CD9: variants seen among roughly 807,000 people sequenced by gnomAD.
CD9 encodes CD9 antigen.
A neutral mutation model predicts 31.4 loss-of-function variants in CD9; 10 were observed. The observed-to-expected ratio is 0.32, with a 90% CI of 0.20 to 0.54. The LOEUF (loss-of-function observed/expected upper bound fraction) is 0.54, where lower values mean the gene tolerates loss of function less well. Ranked by LOEUF, CD9 falls within the 20% of genes least tolerant of loss-of-function variation. The pLI is 0.94. For synonymous variants in CD9, 113 were observed against 114.1 expected (o/e 0.99, Z 0.06); for missense variants, 259 against 300.1 (o/e 0.86, Z 1.01).
At chr12:6,225,692 G>A (rs1352754198) in intron 2 of CD9, 158 bp downstream of exon 2, 2 of 597,140 alleles carry the variant, frequency 3.3e-6, no homozygotes, top group Non-Finnish European at 6.0e-6. Flanking sequence ...TGCAGTTTTT[G>A]TGTGTGTCGT....
intron 1 of CD9, among the ~76,000 whole-genome samples, chr12:6,215,489 G>C (rs1261570466): frequency 6.6e-6 from 1 of 152,190 alleles, no homozygotes; most frequent in African/African-American, 2.4e-5. Flanking sequence ...GCATGTCCAG[G>C]TTCCTGGGTC....
chr12:6,225,448 C>G lies in CD9; in HGVS notation c.89C>G (p.Ala30Gly), dbSNP rs1343612155. The change falls in exon 2 of 8, where the codon GCC (alanine) becomes GGC (glycine). Residue 30 changes from alanine to glycine, a missense_variant. Ala to Gly is a moderately conservative substitution (Grantham distance 60). Coordinates refer to ENST00000009180, the MANE Select transcript of CD9 (RefSeq NM_001769.4). ...IFWLAGIAVL[A>G]IGLWLRFDSQ... ...CAGCTTGCCGGGATTGCTGTCCTTG[C>G]CATTGGACTATGGCTCCGATTCGAC... The G allele has an allele frequency of 3.7e-6, 6 of 1,613,142 alleles. No homozygotes were observed. The South Asian group carries it at 6.6e-5, about 18-fold the overall frequency.
At chr12:6,235,663 A>C in intron 6 of CD9, 98 bp downstream of exon 6, 2 of 1,468,184 alleles carry the variant, frequency 1.4e-6, no homozygotes, top group South Asian at 2.9e-5. Context: ...CTTCAGCAAG[A>C]CCCGTTCTGC....
chr12:6,200,615 G>T, intron 1 of CD9, 50 bp downstream of exon 1: 1 of 1,341,632 alleles, frequency 7.5e-7, no homozygotes, highest in Non-Finnish European at 1.1e-6. Flanking sequence ...ACCTGTTCGC[G>T]GGCCCCGGAC....
intron 1 of CD9, among the ~76,000 whole-genome samples, chr12:6,207,263 T>A (rs1451110083): frequency 2.0e-5 from 3 of 152,200 alleles, no homozygotes; most frequent in African/African-American, 7.2e-5. Context: ...AGTCCCATAT[T>A]TCTGCCATAA....
Position 6,232,685 on chromosome 12 carries a change from G to T in CD9, c.229G>T (p.Gly77Cys). Residue 77 changes from glycine to cysteine, a missense_variant, in exon 3 of 8, where the codon GGC (glycine) becomes TGC (cysteine). Physicochemically the swap from Gly to Cys is radical, Grantham distance 159. Coordinates refer to ENST00000009180, the MANE Select transcript of CD9 (RefSeq NM_001769.4). This position sits in a 1 kb window ranked among gnomAD's most constrained non-coding sequence, Gnocchi z 4.8. Reference sequence around the variant, plus strand: ...CCTCATGATGCTGGTGGGCTTCCTGGGCTGCTGCGGGGCTGTGCAGGAGTC... The same window carrying T: ...CCTCATGATGCTGGTGGGCTTCCTGTGCTGCTGCGGGGCTGTGCAGGAGTC... Reference protein sequence around the residue: ...GALMMLVGFLGCCGAVQESQC... With the variant: ...GALMMLVGFLCCCGAVQESQC... 2 of 1,579,668 alleles carry T rather than the reference G, an allele frequency of 1.3e-6. No individual in the cohort carries two copies. Among genetic ancestry groups the T allele is most frequent in the Non-Finnish European group, 8.6e-7 (1 of 1,166,406 alleles).
chr12:6,210,629 C>A (rs951066799), intron 1 of CD9, among the ~76,000 whole-genome samples: 2 of 152,054 alleles, frequency 1.3e-5, no homozygotes, highest in South Asian at 2.1e-4. Flanking sequence ...CTTTAAAGAT[C>A]GAAAACACCA....
At chr12:6,208,611 G>C (rs367644616) in intron 1 of CD9, among the ~76,000 whole-genome samples, 120 of 151,078 alleles carry the variant, frequency 7.9e-4, no homozygotes, top group African/African-American at 2.9e-3. Context: ...CACTCTTGTT[G>C]CCCAGGCTGG....
intron 1 of CD9, among the ~76,000 whole-genome samples, chr12:6,220,758 A>G (rs144316966): frequency 6.6e-6 from 1 of 152,160 alleles, no homozygotes; most frequent in Non-Finnish European, 1.5e-5. Flanking sequence ...ATCTACAGAA[A>G]AGTTGCAGAG....
At chr12:6,218,732 A>G (rs1437577647) in intron 1 of CD9, among the ~76,000 whole-genome samples, 1 of 152,094 alleles carries the variant, frequency 6.6e-6, no homozygotes, top group Non-Finnish European at 1.5e-5. Flanking sequence ...AGTGTGAGTC[A>G]CTGAAATTCT....
intron 1 of CD9, 30 bp downstream of exon 1, chr12:6,200,595 C>T (rs377576785): frequency 5.1e-5 from 77 of 1,519,774 alleles, no homozygotes; most frequent in South Asian, 3.6e-4. Flanking sequence ...GCGCGCTCCT[C>T]TCAGGGCCCA....
chr12:6,235,664 C>A, intron 6 of CD9, 99 bp downstream of exon 6: 1 of 1,465,148 alleles, frequency 6.8e-7, no homozygotes, highest in Admixed American at 2.6e-5. Context: ...TTCAGCAAGA[C>A]CCGTTCTGCC....
At chr12:6,236,130 G>A in intron 6 of CD9, 62 bp from the exon 7 acceptor site, 3 of 1,603,240 alleles carry the variant, frequency 1.9e-6, no homozygotes, top group Middle Eastern at 1.7e-4. Flanking sequence ...GGCCATGGGA[G>A]GGAGGAGGTG....
In CD9 at chr12:6,232,700, G is replaced by A; in HGVS notation, c.244G>A (p.Val82Met). ...GGGCTTCCTGGGCTGCTGCGGGGCT[G>A]TGCAGGAGTCCCAGTGCATGCTGGG... is the stretch of plus-strand genomic sequence containing the variant. Reference protein sequence around the residue: ...LVGFLGCCGAVQESQCMLGLF... With the variant: ...LVGFLGCCGAMQESQCMLGLF... Residue 82 changes from valine to methionine, a missense_variant, in exon 3 of 8, where the codon GTG becomes ATG. Physicochemically the swap from Val to Met is conservative, Grantham distance 21 (BLOSUM62 1). Coordinates refer to ENST00000009180, the MANE Select transcript of CD9 (RefSeq NM_001769.4). The surrounding 1 kb of genome is among the most constrained non-coding windows in gnomAD (Gnocchi z 4.8). The A allele has an allele frequency of 1.3e-6, 2 of 1,573,630 alleles. No individual in the cohort carries two copies. Among genetic ancestry groups the A allele is most frequent in the Non-Finnish European group, 1.7e-6 (2 of 1,163,624 alleles).
intron 1 of CD9, among the ~76,000 whole-genome samples, chr12:6,202,635 C>T (rs1312458174): frequency 6.6e-6 from 1 of 152,260 alleles, no homozygotes; most frequent in Non-Finnish European, 1.5e-5. Context: ...TGTCTGTGGC[C>T]TGCTGGCCTG....
intron 1 of CD9, among the ~76,000 whole-genome samples, chr12:6,217,036 C>T (rs970837532): frequency 3.9e-5 from 6 of 152,070 alleles, no homozygotes; most frequent in Non-Finnish European, 7.4e-5. Context: ...TTTTTTTCCA[C>T]AAACGAGGAC....
intron 1 of CD9, among the ~76,000 whole-genome samples, chr12:6,204,592 T>C (rs895743055): frequency 6.6e-6 from 1 of 152,198 alleles, no homozygotes; most frequent in Non-Finnish European, 1.5e-5. Context: ...ACCTTAGTAC[T>C]TGGCCTAGTG....
In CD9 at chr12:6,232,770, C is replaced by T; in HGVS notation, c.273+41C>T. The T allele has an allele frequency of 1.5e-6, 2 of 1,362,716 alleles. No homozygotes were observed. Among genetic ancestry groups the T allele is most frequent in the Non-Finnish European group, 2.0e-6 (2 of 988,748 alleles). The allele number at this position is 1,362,716 out of a possible 1,614,324, so 84.4% of individuals were successfully genotyped here. A position where few individuals can be genotyped will look rare whatever the true frequency, so the allele number is the denominator to read the frequency against. ...GCATCCCCACAGCCACCCTGACTCC[C>T]ACCAACAAAAACCTCAGCAGGCCCA... On this transcript the variant is annotated intron_variant, in intron 3 of 7. Transcript: ENST00000009180. The surrounding 1 kb of genome is among the most constrained non-coding windows in gnomAD (Gnocchi z 4.8).
At chr12:6,233,956 C>G (rs1946484021) in intron 4 of CD9, among the ~76,000 whole-genome samples, 1 of 148,258 alleles carries the variant, frequency 6.7e-6, no homozygotes, top group Non-Finnish European at 1.5e-5. Flanking sequence ...GGCCCCACAT[C>G]CGGAGACTTG....
Sources: allele counts gnomAD v4.1 joint callset (sites outside exome capture counted in the v4.1 genomes callset), GRCh38; gene constraint gnomAD v4.1.1; non-coding constraint Gnocchi (gnomAD v3.1); transcripts MANE v1.5; gene names NCBI Gene and HGNC (gene_info 2026-07-23, HGNC 2026-07-21).